The following RNF38 variants were observed in gnomAD, a reference collection of about 807,000 sequenced individuals.
RNF38 encodes the protein ring finger protein 38.
RNF38 carries 15 observed loss-of-function variants against 67.2 expected under a neutral mutation model. That is an observed-to-expected ratio of 0.22 (90% confidence interval 0.15 to 0.34). The LOEUF (loss-of-function observed/expected upper bound fraction) is 0.34. Among genes scored for constraint, RNF38 ranks in the 10% least tolerant of loss-of-function variants. The pLI is 1.00. For missense variants in RNF38, 524 were observed against 639.9 expected (o/e 0.82, Z 1.95); for synonymous variants, 220 against 218.8 (o/e 1.01, Z -0.05).
intron 1 of RNF38, among the ~76,000 whole-genome samples, chr9:36,454,880 G>A (rs1004059919): frequency 5.9e-5 from 9 of 151,812 alleles, no homozygotes; most frequent in Non-Finnish European, 1.2e-4. Context: ...CACTGCACCC[G>A]ACCTAATTTT....
chr9:36,454,022 C>T (rs1391950950), intron 1 of RNF38, among the ~76,000 whole-genome samples: 4 of 152,020 alleles, frequency 2.6e-5, no homozygotes, highest in Admixed American at 6.6e-5. Context: ...GTAATGGGTA[C>T]GCATGGGTTT....
chr9:36,375,217 G>T (rs994408745), intron 3 of RNF38, among the ~76,000 whole-genome samples: 2 of 152,052 alleles, frequency 1.3e-5, no homozygotes, highest in African/African-American at 4.8e-5. Context: ...TAAATACAGT[G>T]TCTCATTCTG....
chr9:36,405,301 T>C (rs1838150546), upstream of RNF38, among the ~76,000 whole-genome samples: 1 of 152,226 alleles, frequency 6.6e-6, no homozygotes, highest in Non-Finnish European at 1.5e-5. Context: ...ATGTTTGATT[T>C]TATGAAAAAC....
At chr9:36,386,276 GT>G (rs892191400) in intron 2 of RNF38, among the ~76,000 whole-genome samples, 2 of 152,042 alleles carry the variant, frequency 1.3e-5, no homozygotes, top group African/African-American at 2.4e-5. Context: ...TTTTGGAAAA[GT>G]TTTTCCCCCT....
intron 2 of RNF38, among the ~76,000 whole-genome samples, chr9:36,416,334 G>A (rs1468304379): frequency 6.6e-6 from 1 of 151,994 alleles, no homozygotes; most frequent in Non-Finnish European, 1.5e-5. Flanking sequence ...GCAGTGACAG[G>A]CCTCACCGAA....
intron 1 of RNF38, among the ~76,000 whole-genome samples, chr9:36,435,755 G>A (rs1006030366): frequency 4.6e-5 from 7 of 151,300 alleles, no homozygotes; most frequent in East Asian, 1.9e-4. Flanking sequence ...TCAGCCTCCC[G>A]AGTAGCTGGG....
At chr9:36,435,864 C>T (rs1839053415) in intron 1 of RNF38, among the ~76,000 whole-genome samples, 1 of 152,064 alleles carries the variant, frequency 6.6e-6, no homozygotes, top group Non-Finnish European at 1.5e-5. Context: ...ATCCTGACCT[C>T]GTGATCCGCC....
At chr9:36,458,010 T>C (rs1839633802) in intron 1 of RNF38, among the ~76,000 whole-genome samples, 1 of 152,234 alleles carries the variant, frequency 6.6e-6, no homozygotes, top group Admixed American at 6.5e-5. Flanking sequence ...TTCAGAATCC[T>C]GCTTTAAGTA....
At chr9:36,453,005 G>A (rs1356649521) in intron 1 of RNF38, among the ~76,000 whole-genome samples, 2 of 152,050 alleles carry the variant, frequency 1.3e-5, no homozygotes, top group Non-Finnish European at 2.9e-5. Context: ...TTTCAATTAC[G>A]TTGGGTATCT....
chr9:36,429,006 A>G (rs1383268825), intron 1 of RNF38, among the ~76,000 whole-genome samples: 1 of 152,236 alleles, frequency 6.6e-6, no homozygotes, highest in Non-Finnish European at 1.5e-5. Context: ...AGCCCTCGCT[A>G]CATGTCAAGT....
At chr9:36,343,265 C>G (rs1832977368) in intron 10 of RNF38, among the ~76,000 whole-genome samples, 2 of 152,120 alleles carry the variant, frequency 1.3e-5, no homozygotes, top group Non-Finnish European at 2.9e-5. Context: ...CTGAAAAACT[C>G]AACAATCCAC....
chr9:36,437,885 T>G (rs1361278787), intron 1 of RNF38, among the ~76,000 whole-genome samples: 2 of 152,194 alleles, frequency 1.3e-5, no homozygotes, highest in Non-Finnish European at 2.9e-5. Context: ...CTGTGAAGCC[T>G]AAGAAATTTT....
At chr9:36,468,868 C>T (rs907806051) in intron 1 of RNF38, among the ~76,000 whole-genome samples, 1 of 152,100 alleles carries the variant, frequency 6.6e-6, no homozygotes, top group African/African-American at 2.4e-5. Context: ...AATCCCAACA[C>T]TTTGGGAGGC....
At chr9:36,342,730 T>A (rs899119524) in intron 10 of RNF38, among the ~76,000 whole-genome samples, 1 of 152,174 alleles carries the variant, frequency 6.6e-6, no homozygotes, top group Non-Finnish European at 1.5e-5. Context: ...GGTGGACCCC[T>A]ACCTCATACC....
intron 1 of RNF38, among the ~76,000 whole-genome samples, chr9:36,456,309 G>A (rs923875423): frequency 2.6e-5 from 4 of 152,096 alleles, no homozygotes; most frequent in Admixed American, 1.3e-4. Flanking sequence ...TGCCCACCTC[G>A]GCCTCCCAAA....
intron 3 of RNF38, among the ~76,000 whole-genome samples, chr9:36,375,194 T>C (rs1835694842): frequency 6.6e-6 from 1 of 152,180 alleles, no homozygotes; most frequent in Non-Finnish European, 1.5e-5. Flanking sequence ...CAGTTGTTTT[T>C]TGTTTTGTTT....
chr9:36,339,639 T>A lies in RNF38; in HGVS notation c.*113A>T. 1 of 778,690 alleles carries A rather than the reference T, an allele frequency of 1.3e-6. No individual in the cohort carries two copies. Among genetic ancestry groups the A allele is most frequent in the South Asian group, 1.5e-5 (1 of 66,678 alleles). The allele number at this position is 778,690 out of a possible 1,614,324, so 48.2% of individuals were successfully genotyped here. A position where few individuals can be genotyped will look rare whatever the true frequency, so the allele number is the denominator to read the frequency against. On this transcript the variant is annotated 3_prime_UTR_variant, in exon 12 of 12. Coordinates refer to ENST00000259605, the MANE Select transcript of RNF38 (RefSeq NM_022781.5). Reference sequence around the variant, plus strand: ...GTCACACAGTGCAAAGAAAGGTCCATTGACCCTTTTGGTAAAGGGAGGGCT... The same window carrying A: ...GTCACACAGTGCAAAGAAAGGTCCAATGACCCTTTTGGTAAAGGGAGGGCT...
intron 2 of RNF38, among the ~76,000 whole-genome samples, chr9:36,411,260 G>T (rs1453234716): frequency 6.6e-6 from 1 of 150,702 alleles, no homozygotes; most frequent in Non-Finnish European, 1.5e-5. Flanking sequence ...AAATTAAAAA[G>T]AAAATAACAA....
At chr9:36,388,850 T>G (rs1836846493) in intron 2 of RNF38, among the ~76,000 whole-genome samples, 1 of 152,092 alleles carries the variant, frequency 6.6e-6, no homozygotes, top group African/African-American at 2.4e-5. Flanking sequence ...GCATAACACA[T>G]TAAGGGAATA....
Sources: allele counts gnomAD v4.1 joint callset (sites outside exome capture counted in the v4.1 genomes callset), GRCh38; gene constraint gnomAD v4.1.1; transcripts MANE v1.5; gene names NCBI Gene and HGNC (gene_info 2026-07-23, HGNC 2026-07-21).